MKI67: variants seen among roughly 807,000 people sequenced by gnomAD.
MKI67 encodes proliferation marker protein Ki-67.
Under a neutral mutation model 233.5 loss-of-function variants are expected in MKI67, and 152 were observed. The observed-to-expected ratio is 0.65, with a 90% CI of 0.57 to 0.74. MKI67 has a LOEUF of 0.74. Among genes scored for constraint, MKI67 ranks in the 30% least tolerant of loss-of-function variants. The pLI is 0.00. For missense variants in MKI67, 3,940 were observed against 3,885.2 expected (o/e 1.01, Z -0.37); for synonymous variants, 1,465 against 1,418.5 (o/e 1.03, Z -0.74).
chr10:128,101,172 CTT>C (rs1377313008), intron 14 of MKI67, 84 bp downstream of exon 14: 3 of 1,301,864 alleles, frequency 2.3e-6, no homozygotes, highest in Non-Finnish European at 3.2e-6. Context: ...GAAGATAATG[CTT>C]TTTGTTTGCC....
chr10:128,119,324 A>G lies in MKI67; in HGVS notation c.288-5T>C. ...TGAAGACTTTCATTTTCATACCTGC[A>G]GTTTATAGAACGACAAAGATCCTGA... On this transcript the variant is annotated splice_polypyrimidine_tract_variant and splice_region_variant and intron_variant, in intron 4 of 14. Transcript: ENST00000368654. 1 of 1,591,098 alleles carries G rather than the reference A, an allele frequency of 6.3e-7. No homozygotes were observed. The highest frequency in any genetic ancestry group is 8.6e-7 in the Non-Finnish European group (1 of 1,159,888).
rs1227941351 is a variant in MKI67, at chr10:128,116,105, ATAAGC to A, written c.401-103_401-99del. ...TATTTTAATTGTTTCAGGTTGTCTT[ATAAGC>A]TAGCTTTTACTTGGCCTACAAATTA... On this transcript the variant is annotated intron_variant, in intron 6 of 14. Transcript: ENST00000368654. 16 of 1,396,844 alleles carry A rather than the reference ATAAGC, an allele frequency of 1.1e-5. No homozygotes were observed. The African/African-American group carries it at 2.2e-4, about 19-fold the overall frequency. 86.5% of individuals were successfully genotyped at this position (1,396,844 alleles called of 1,614,324 possible). A position where few individuals can be genotyped will look rare whatever the true frequency, so the allele number is the denominator to read the frequency against.
chr10:128,103,399 G>A lies in MKI67; in HGVS notation c.8441C>T (p.Ser2814Leu). 1 of 1,613,782 alleles carries A rather than the reference G, an allele frequency of 6.2e-7. No homozygotes were observed. Among genetic ancestry groups the A allele is most frequent in the South Asian group, 1.1e-5 (1 of 91,040 alleles). The part of the protein sequence containing the change: ...KDPAAGHTEE[S>L]MTDDKTTKIP... ...TTTAGTGGTTTTGTCATCAGTCATT[G>A]ATTCTTCAGTGTGACCTGCTGCTGG... Residue 2814 changes from serine (S) to leucine (L), a missense_variant, in exon 13 of 15, where the codon TCA (serine) becomes TTA (leucine). By Grantham distance (145) the Ser-to-Leu change is moderately radical. Transcript: ENST00000368654.
Position 128,108,086 on chromosome 10 carries a change from C to T in MKI67, c.3754G>A (p.Asp1252Asn), listed in dbSNP as rs761818087. The change falls in exon 13 of 15, where the codon GAC becomes AAC. Residue 1252 changes from aspartate (D) to asparagine (N), a missense_variant. Transcript: ENST00000368654. ...TCCACTGGGTCTGACTGTGGAGAGT[C>T]GCAGGGTATTTTAGTGGTTTTACCA... ...AAGKTTKIPC[D>N]SPQSDPVDTP... is the part of the protein sequence containing the mutation. 7.5e-6 allele frequency: 12 copies of T among 1,610,678 alleles called. No individual in the cohort carries two copies. The highest frequency in any genetic ancestry group is 4.4e-5 in the South Asian group (4 of 90,932).
Position 128,105,470 on chromosome 10 carries a change from G to T in MKI67, c.6370C>A (p.Pro2124Thr). 1 of 1,613,840 alleles carries T rather than the reference G, an allele frequency of 6.2e-7. No individual in the cohort carries two copies. Among genetic ancestry groups the T allele is most frequent in the Non-Finnish European group, 8.5e-7 (1 of 1,179,984 alleles). Residue 2124 changes from proline to threonine, a missense_variant, in exon 13 of 15, where the codon CCT becomes ACT. By Grantham distance (38) the Pro-to-Thr change is conservative (BLOSUM62 -1). Transcript: ENST00000368654. ...PTSTRRRPKTPLGKRDIVEEL... is the reference protein window; with the variant it reads ...PTSTRRRPKTTLGKRDIVEEL... ...TCCACTATATCCCTTTTCCCCAAAG[G>T]TGTTTTGGGCCGCCTCCTTGTGCTT... is the stretch of plus-strand genomic sequence containing the variant.
rs1336173233 is a variant in MKI67 at position 128,105,703 on chromosome 10, G to A, written c.6137C>T (p.Ala2046Val). Residue 2046 changes from alanine to valine, a missense_variant, in exon 13 of 15, where the codon GCA becomes GTA. Ala to Val is a moderately conservative substitution (Grantham distance 64). Coordinates refer to ENST00000368654, the MANE Select transcript of MKI67 (RefSeq NM_002417.5). ...GTTTGCTGGGTCCAGCATCTGCTTT[G>A]CAGATTCCTTAAACGCTTTGATGCT... is the stretch of plus-strand genomic sequence containing the variant. ...GKSIKAFKES[A>V]KQMLDPANYG... 1.2e-6 allele frequency: 2 copies of A among 1,613,988 alleles called. No homozygotes were observed. The highest frequency in any genetic ancestry group is 1.7e-6 in the Non-Finnish European group (2 of 1,180,040).
Position 128,108,639 on chromosome 10 carries a change from C to T in MKI67, c.3201G>A (p.Thr1067=), listed in dbSNP as rs3740424. The T allele has an allele frequency of 0.019, 31,257 of 1,614,096 alleles. 1,444 individuals are homozygous for T. The highest frequency in any genetic ancestry group is 0.16 in the East Asian group (7,342 of 44,854). ...GGATCTGCTTTGGAGACTCCTTAAA[C>T]GTTCTGATGCTCTTGCCATCTCCTG... ...EPAGDGKSIR[T]FKESPKQILD... The change falls in exon 13 of 15, where the codon ACG becomes ACA. Residue 1067 remains threonine (T), a synonymous_variant. Coordinates refer to ENST00000368654, the MANE Select transcript of MKI67 (RefSeq NM_002417.5).
In MKI67 at chr10:128,113,441, T is replaced by C. The variant is rs767314163; in HGVS notation, c.1642A>G (p.Lys548Glu). 26 of 1,614,064 alleles carry C rather than the reference T, an allele frequency of 1.6e-5. No individual in the cohort carries two copies. The highest frequency in any genetic ancestry group is 2.0e-5 in the Non-Finnish European group (24 of 1,180,026). The change falls in exon 8 of 15, where the codon AAG (lysine) becomes GAG (glutamate). Residue 548 changes from lysine (K) to glutamate (E), a missense_variant. Lys to Glu is a moderately conservative substitution (Grantham distance 56). Transcript: ENST00000368654. ...SLVMHTPPVL[K>E]KIIKEQPQPS... ...GTTCAACTCACCTTGATGATTTTCT[T>C]CAGGACAGGTGGAGTGTGCATTACC...
intron 4 of MKI67, 113 bp downstream of exon 4, chr10:128,122,768 T>C (rs1336586812): frequency 7.4e-6 from 4 of 542,682 alleles, no homozygotes; most frequent in African/African-American, 1.9e-5. Flanking sequence ...AATGAAAACC[T>C]GAAATACTTT....
chr10:128,113,124 C>G (rs1852717305), intron 8 of MKI67, among the ~76,000 whole-genome samples: 1 of 152,126 alleles, frequency 6.6e-6, no homozygotes, highest in African/African-American at 2.4e-5. Context: ...ATTGGCTATT[C>G]TGACGGTGCC....
At position 128,111,764 on chromosome 10, in the gene MKI67, GGA is replaced by G. The variant is rs769009134; in HGVS notation, c.2139_2140del (p.Pro714LeufsTer11). The G allele has an allele frequency of 6.2e-7, 1 of 1,614,186 alleles. No homozygotes were observed. The highest frequency in any genetic ancestry group is 8.5e-7 in the Non-Finnish European group (1 of 1,180,016). On this transcript the variant is annotated frameshift_variant, in exon 11 of 15. Transcript: ENST00000368654. LOFTEE classifies it high-confidence loss of function. ...AGCTTTCCCTATTATTATGGTACAA[GGA>G]GAGTTTGCGTGGCCTGTACTAAATT...
rs758108962 is a variant in MKI67 at position 128,108,365 on chromosome 10, C to A, written c.3475G>T (p.Glu1159Ter). ...RSLRKADVEE[E>*]FLALRKLTPS... The stretch of plus-strand genomic sequence containing the variant: ...GTTAGTTTCCTGAGTGCTAAGAATT[C>A]TTCCTCTACATCTGCTTTCCTGAGA... Residue 1159 changes from glutamate to a stop codon, truncating the protein, a stop_gained, in exon 13 of 15, where the codon GAA becomes TAA. Transcript: ENST00000368654. LOFTEE classifies it high-confidence loss of function. 1 of 1,613,994 alleles carries A rather than the reference C, an allele frequency of 6.2e-7. No individual in the cohort carries two copies. Among genetic ancestry groups the A allele is most frequent in the East Asian group, 2.2e-5 (1 of 44,880 alleles).
rs202144223 is a variant in MKI67, at chr10:128,125,569, G to A, written c.92+7C>T. 45 of 1,611,246 alleles carry A rather than the reference G, an allele frequency of 2.8e-5. No individual in the cohort carries two copies. In the East Asian group the frequency reaches 1.0e-3, roughly 36 times the overall value. The stretch of plus-strand genomic sequence containing the variant: ...CTAAAACGTCCGCGCGCGCCCGCGG[G>A]GCTCACCTTCCAAACAAGCAGGTGC... On this transcript the variant is annotated splice_region_variant and intron_variant, in intron 2 of 14. Coordinates refer to ENST00000368654, the MANE Select transcript of MKI67 (RefSeq NM_002417.5). This position sits in a 1 kb window ranked among gnomAD's most constrained non-coding sequence, Gnocchi z 5.3.
chr10:128,124,443 G>C (rs975053973), intron 2 of MKI67, among the ~76,000 whole-genome samples: 10 of 152,164 alleles, frequency 6.6e-5, no homozygotes, highest in African/African-American at 2.4e-4. Flanking sequence ...GCATGCCCCT[G>C]TCCTATATTG....
At position 128,107,721 on chromosome 10, in the gene MKI67, G is replaced by A. The variant is rs532498259; in HGVS notation, c.4119C>T (p.Cys1373=). 1.9e-5 allele frequency: 30 copies of A among 1,613,732 alleles called. No homozygotes were observed. The Admixed American group carries it at 3.7e-4, about 20-fold the overall frequency. Residue 1373 remains cysteine (C), a synonymous_variant, in exon 13 of 15, where the codon TGC becomes TGT. Coordinates refer to ENST00000368654, the MANE Select transcript of MKI67 (RefSeq NM_002417.5). ...CTGCTGATTCTGGTGGAGAAGATTC[G>A]CAGGGCATTTTAGTAGTTTTGCCAG... The part of the protein sequence containing the change: ...VAAGKTTKMP[C]ESSPPESADT...
rs149826269 is a variant in MKI67, at chr10:128,104,383, A to G, written c.7457T>C (p.Leu2486Pro). 1,381 of 1,614,074 alleles carry G rather than the reference A, an allele frequency of 8.6e-4. 1 individual carries two copies. The highest frequency in any genetic ancestry group is 1.0e-3 in the Non-Finnish European group (1,218 of 1,180,014). ...RSSKQRLKIP[L>P]VKVDMKEEPL... is the part of the protein sequence containing the mutation. ...CTCTTCTTTCATGTCCACTTTCACC[A>G]GGGGTATCTTGAGCCTTTGCTTGGA... Residue 2486 changes from leucine (L) to proline (P), a missense_variant, in exon 13 of 15, where the codon CTG becomes CCG. By Grantham distance (98) the Leu-to-Pro change is moderately conservative. Coordinates refer to ENST00000368654, the MANE Select transcript of MKI67 (RefSeq NM_002417.5).
Position 128,115,909 on chromosome 10 carries a change from T to TA in MKI67, c.498dup (p.Thr167TyrfsTer4). The TA allele has an allele frequency of 6.2e-7, 1 of 1,610,914 alleles. No homozygotes were observed. Among genetic ancestry groups the TA allele is most frequent in the Non-Finnish European group, 8.5e-7 (1 of 1,180,020 alleles). ...ACACTGTCTTTTGAGTCATCTGCGG[T>TA]ACTGTCTTCTTTGACATTCTTGATA... On this transcript the variant is annotated frameshift_variant, in exon 7 of 15. Transcript: ENST00000368654. LOFTEE classifies it high-confidence loss of function.
rs374807220 is a variant in MKI67, at chr10:128,104,575, C to T, written c.7265G>A (p.Arg2422Lys). The T allele has an allele frequency of 6.2e-6, 10 of 1,614,006 alleles. No homozygotes were observed. Among genetic ancestry groups the T allele is most frequent in the South Asian group, 1.1e-5 (1 of 91,076 alleles). The change falls in exon 13 of 15, where the codon AGA becomes AAA. Residue 2422 changes from arginine (R) to lysine (K), a missense_variant. Arg to Lys is a conservative substitution (Grantham distance 26). Transcript: ENST00000368654. Reference sequence around the variant, plus strand: ...CTTTTCCTTAGGAGTCTGTGGCTGTCTCTTGCTGCCAGGTAAATTTCCTAG... The same window carrying T: ...CTTTTCCTTAGGAGTCTGTGGCTGTTTCTTGCTGCCAGGTAAATTTCCTAG... ...DLLGNLPGSKRQPQTPKEKAE... is the reference protein window; with the variant it reads ...DLLGNLPGSKKQPQTPKEKAE...
rs201003962 is a variant in MKI67, at chr10:128,103,337, C to T, written c.8503G>A (p.Ala2835Thr). 13 of 1,614,010 alleles carry T rather than the reference C, an allele frequency of 8.1e-6. No individual in the cohort carries two copies. The highest frequency in any genetic ancestry group is 5.3e-5 in the African/African-American group (4 of 74,972). Residue 2835 changes from alanine (A) to threonine (T), a missense_variant, in exon 13 of 15, where the codon GCA (alanine) becomes ACA (threonine). Coordinates refer to ENST00000368654, the MANE Select transcript of MKI67 (RefSeq NM_002417.5). ...CTGGGCCGTCTCTTTGAGCTTGTTG[C>T]GGTGTCTTCTAGTTCTGGTGATGAT... ...CKSSPELEDTATSSKRRPRTR... is the reference protein window; with the variant it reads ...CKSSPELEDTTTSSKRRPRTR...
Sources: gnomAD v4.1 joint callset for allele counts (sites outside exome capture counted in the v4.1 genomes callset) on GRCh38, gnomAD v4.1.1 for gene constraint, Gnocchi (gnomAD v3.1) non-coding constraint, MANE v1.5 for transcripts, NCBI Gene and HGNC (gene_info 2026-07-23, HGNC 2026-07-21) for gene names.